Variants in ST6GALNAC5 observed in about 807,000 individuals in gnomAD.
ST6GALNAC5 encodes alpha-N-acetylgalactosaminide alpha-2,6-sialyltransferase 5.
ST6GALNAC5 carries 27 observed loss-of-function variants against 33.6 expected under a neutral mutation model. The observed-to-expected ratio is 0.80, with a 90% CI of 0.59 to 1.11. The LOEUF is 1.11. ST6GALNAC5 is among the 50% of genes least tolerant of loss of function. The pLI is 0.00. For missense variants in ST6GALNAC5, 428 were observed against 454.0 expected, an observed-to-expected ratio of 0.94 and a Z score of 0.52; for synonymous variants, 194 against 171.2, an observed-to-expected ratio of 1.13 and a Z score of -1.04.
At chr1:76,945,630 A>G (rs1371090183) in intron 2 of ST6GALNAC5, among the ~76,000 whole-genome samples, 1 of 152,164 alleles carries the variant, frequency 6.6e-6, no homozygotes, top group African/African-American at 2.4e-5. Flanking sequence ...TTTCTGGAAT[A>G]TATGATAATC....
intron 2 of ST6GALNAC5, among the ~76,000 whole-genome samples, chr1:76,928,115 A>G (rs1311660316): frequency 1.3e-5 from 2 of 152,126 alleles, no homozygotes; most frequent in Non-Finnish European, 2.9e-5. Context: ...GTTACTCAAC[A>G]GTTTGCATTG....
chr1:76,886,648 C>T (rs1335066414), intron 2 of ST6GALNAC5, among the ~76,000 whole-genome samples: 1 of 152,138 alleles, frequency 6.6e-6, no homozygotes, highest in Non-Finnish European at 1.5e-5. Context: ...CTGGATGTTT[C>T]CTAAATTTGT....
intron 2 of ST6GALNAC5, among the ~76,000 whole-genome samples, chr1:77,010,907 C>T (rs1440522955): frequency 6.6e-6 from 1 of 152,234 alleles, no homozygotes; most frequent in African/African-American, 2.4e-5. Context: ...AGTTGAGCTG[C>T]TTCTATCTTC....
chr1:76,903,252 A>G (rs1026022287), intron 2 of ST6GALNAC5, among the ~76,000 whole-genome samples: 3 of 152,186 alleles, frequency 2.0e-5, no homozygotes, highest in African/African-American at 7.2e-5. Context: ...ATCTCCATAG[A>G]AGGCATACAA....
intron 2 of ST6GALNAC5, among the ~76,000 whole-genome samples, chr1:76,881,245 A>G (rs572669171): frequency 6.6e-6 from 1 of 152,218 alleles, no homozygotes; most frequent in African/African-American, 2.4e-5. Context: ...ATGTGCATTT[A>G]TGAGATGTGT....
chr1:76,869,817 C>G (rs923346807), intron 2 of ST6GALNAC5, among the ~76,000 whole-genome samples: 52 of 152,248 alleles, frequency 3.4e-4, no homozygotes, highest in Middle Eastern at 3.4e-3. Flanking sequence ...CCCAGTCTTA[C>G]GGATCTTTAA....
intron 2 of ST6GALNAC5, among the ~76,000 whole-genome samples, chr1:76,912,210 T>G (rs1034831665): frequency 5.3e-5 from 8 of 152,296 alleles, no homozygotes; most frequent in Admixed American, 3.9e-4. Context: ...AGCAGGTTGT[T>G]CAGTTTCCAT....
At chr1:76,956,336 T>C (rs536160359) in intron 2 of ST6GALNAC5, among the ~76,000 whole-genome samples, 97 of 151,972 alleles carry the variant, frequency 6.4e-4, no homozygotes, top group Non-Finnish European at 1.1e-3. Context: ...TTACAGGAAC[T>C]ATTCTAAATA....
At position 76,966,721 on chromosome 1, in the gene ST6GALNAC5, G is replaced by A. The variant is rs539547473; in HGVS notation, c.262-77483G>A. Among the ~76,000 whole-genome samples the A allele has an allele frequency of 2.6e-5, 4 of 152,212 alleles. No homozygotes were observed. The East Asian group carries it at 5.8e-4, about 22-fold the overall frequency. On this transcript the variant is annotated intron_variant, in intron 2 of 4. Transcript: ENST00000477717. ...CCAGTTTTTGCCCATTCAGTATGATGTTGGCTGTGGGTTTGTCATAAATAG... is the reference window on the plus strand; with the variant it reads ...CCAGTTTTTGCCCATTCAGTATGATATTGGCTGTGGGTTTGTCATAAATAG...
At chr1:76,893,061 A>G in intron 2 of ST6GALNAC5, among the ~76,000 whole-genome samples, 1 of 152,136 alleles carries the variant, frequency 6.6e-6, no homozygotes, top group South Asian at 2.1e-4. Flanking sequence ...TATCATCCAT[A>G]TATGCACTCT....
At chr1:76,952,784 C>T (rs1019310870) in intron 2 of ST6GALNAC5, among the ~76,000 whole-genome samples, 1 of 152,014 alleles carries the variant, frequency 6.6e-6, no homozygotes, top group African/African-American at 2.4e-5. Flanking sequence ...CCAGAGTTTG[C>T]ACTTGTGCAC....
At chr1:77,046,911 T>C (rs1652032606) in intron 3 of ST6GALNAC5, among the ~76,000 whole-genome samples, 1 of 152,220 alleles carries the variant, frequency 6.6e-6, no homozygotes, top group South Asian at 2.1e-4. Context: ...AGTTAGATAC[T>C]AAGTCATCAT....
At chr1:76,872,907 G>A (rs962258463) in intron 2 of ST6GALNAC5, among the ~76,000 whole-genome samples, 2 of 152,202 alleles carry the variant, frequency 1.3e-5, no homozygotes, top group African/African-American at 2.4e-5. Context: ...TTTTGTGGGT[G>A]AGGAGTTGCA....
chr1:76,987,311 T>C (rs1459580062), intron 2 of ST6GALNAC5, among the ~76,000 whole-genome samples: 1 of 152,156 alleles, frequency 6.6e-6, no homozygotes, highest in African/African-American at 2.4e-5. Flanking sequence ...AAAGAAGATA[T>C]AAAATGTTAG....
chr1:76,869,944 G>A (rs1447803340), intron 2 of ST6GALNAC5, among the ~76,000 whole-genome samples: 5 of 152,142 alleles, frequency 3.3e-5, no homozygotes, highest in Admixed American at 6.5e-5. Flanking sequence ...AAATGAGAAC[G>A]ATGACTTCCC....
chr1:76,873,742 T>A (rs1379495470), intron 2 of ST6GALNAC5, among the ~76,000 whole-genome samples: 4 of 152,258 alleles, frequency 2.6e-5, no homozygotes, highest in Non-Finnish European at 5.9e-5. Context: ...ATAAGCTTCC[T>A]TTTTAAATAT....
intron 2 of ST6GALNAC5, among the ~76,000 whole-genome samples, chr1:76,957,204 G>T (rs1481980162): frequency 6.6e-6 from 1 of 152,022 alleles, no homozygotes; most frequent in Non-Finnish European, 1.5e-5. Flanking sequence ...GGAGGTATTG[G>T]CAGGGCCATG....
At chr1:76,989,260 G>A (rs1055253851) in intron 2 of ST6GALNAC5, among the ~76,000 whole-genome samples, 1 of 151,266 alleles carries the variant, frequency 6.6e-6, no homozygotes, top group African/African-American at 2.4e-5. Context: ...GCCCCATTTT[G>A]TTTTTATTTC....
rs1261003245 is a variant in ST6GALNAC5, at chr1:77,065,593, T to C, written c.*2387T>C. ...GCGTTAAAGAAAATGACTAGAATTC[T>C]GATAGATTGTGCTGATGAACCTGGT... On this transcript the variant is annotated 3_prime_UTR_variant, in exon 5 of 5. Coordinates refer to ENST00000477717, the MANE Select transcript of ST6GALNAC5 (RefSeq NM_030965.3). 1 of 152,374 alleles carries C rather than the reference T, an allele frequency of 6.6e-6. No homozygotes were observed. The highest frequency in any genetic ancestry group is 2.4e-5 in the African/African-American group (1 of 41,590). 9.4% of individuals were successfully genotyped at this position (152,374 alleles called of 1,614,324 possible).
Sources: allele counts gnomAD v4.1 joint callset (sites outside exome capture counted in the v4.1 genomes callset), GRCh38; gene constraint gnomAD v4.1.1; transcripts MANE v1.5; gene names NCBI Gene and HGNC (gene_info 2026-07-23, HGNC 2026-07-21).